The following PRRC2C variants were observed in gnomAD, a reference collection of about 807,000 sequenced individuals.
PRRC2C encodes the protein proline rich coiled-coil 2C.
In PRRC2C, 72 loss-of-function variants were observed where a neutral mutation model predicts 317.2. That is an observed-to-expected ratio of 0.23 (90% CI 0.19 to 0.28). PRRC2C has a LOEUF of 0.28. Among genes scored for constraint, PRRC2C ranks in the 10% least tolerant of loss-of-function variants. The probability of loss-of-function intolerance (pLI) is 1.00; values close to 1 mark genes in which losing one functional copy is unlikely to be tolerated. For missense variants in PRRC2C, 3,074 were observed against 3,459.7 expected (o/e 0.89, Z 2.80); for synonymous variants, 1,296 against 1,205.9 (o/e 1.07, Z -1.55).
rs1376170326 is a variant in PRRC2C, at chr1:171,592,389, A to C, written c.*542A>C. On this transcript the variant is annotated 3_prime_UTR_variant, in exon 35 of 35. Coordinates refer to ENST00000647382, the MANE Select transcript of PRRC2C (RefSeq NM_001387844.1). ...TATGGCAGCTTGCTATTTTTATAAC[A>C]TGGTGATTGAGTTGAACACAATCAA... 6.6e-6 allele frequency: 1 copy of C among 152,628 alleles called. No homozygotes were observed. 9.5% of individuals were successfully genotyped at this position (152,628 alleles called of 1,614,324 possible). A position where few individuals can be genotyped will look rare whatever the true frequency, so the allele number is the denominator to read the frequency against.
At chr1:171,502,588 G>A (rs1669330374) in intron 1 of PRRC2C, among the ~76,000 whole-genome samples, 3 of 152,056 alleles carry the variant, frequency 2.0e-5, no homozygotes, top group South Asian at 2.1e-4. Flanking sequence ...GAAGGCAGGG[G>A]CATCATCTGT....
In PRRC2C at chr1:171,571,401, A is replaced by G. The variant is rs1008412811; in HGVS notation, c.6733A>G (p.Thr2245Ala). The change falls in exon 24 of 35, where the codon ACT becomes GCT. Residue 2245 changes from threonine to alanine, a missense_variant. Physicochemically the swap from Thr to Ala is moderately conservative, Grantham distance 58. Around this residue, in one of 11 missense-constraint regions of PRRC2C, gnomAD observed 640 missense variants for 676.1 expected, o/e 0.95. Coordinates refer to ENST00000647382, the MANE Select transcript of PRRC2C (RefSeq NM_001387844.1). Reference sequence around the variant, plus strand: ...CAGCCTAACTTCAGTTCCTCCCACTACTTTCAGCCTCACCTTCAAGGTATG... The same window carrying G: ...CAGCCTAACTTCAGTTCCTCCCACTGCTTTCAGCCTCACCTTCAAGGTATG... ...SSSLTSVPPT[T>A]FSLTFKMESA... 3 of 1,604,790 alleles carry G rather than the reference A, an allele frequency of 1.9e-6. No homozygotes were observed. Among genetic ancestry groups the G allele is most frequent in the East Asian group, 4.5e-5 (2 of 44,826 alleles).
At chr1:171,587,266 AGT>A in intron 31 of PRRC2C, 45 bp downstream of exon 31, 1 of 1,506,936 alleles carries the variant, frequency 6.6e-7, no homozygotes, top group Non-Finnish European at 9.0e-7. Flanking sequence ...AATTTAAGGT[AGT>A]GTGTTCAGAT....
In PRRC2C at chr1:171,558,119, G is replaced by C. The variant is rs545772149; in HGVS notation, c.6007G>C (p.Val2003Leu). 1.2e-6 allele frequency: 2 copies of C among 1,612,758 alleles called. No individual in the cohort carries two copies. Among genetic ancestry groups the C allele is most frequent in the Non-Finnish European group, 1.7e-6 (2 of 1,179,012 alleles). ...GGATAACAAGGTGGCCCCACCAGCT[G>C]TGCTGAATGATATCTCTAAGAAATG... ...LWDNKVAPPA[V>L]LNDISKKLGP... Residue 2003 changes from valine (V) to leucine (L), a missense_variant, in exon 19 of 35, where the codon GTG becomes CTG. Coordinates refer to ENST00000647382, the MANE Select transcript of PRRC2C (RefSeq NM_001387844.1).
intron 30 of PRRC2C, 87 bp from the exon 31 acceptor site, chr1:171,586,916 G>T: frequency 1.9e-6 from 2 of 1,031,616 alleles, no homozygotes; most frequent in South Asian, 1.6e-5. Flanking sequence ...TTACTCAAAA[G>T]TATTTGAAGA....
intron 1 of PRRC2C, among the ~76,000 whole-genome samples, chr1:171,491,787 G>A (rs1204781236): frequency 6.6e-6 from 1 of 152,114 alleles, no homozygotes; most frequent in African/African-American, 2.4e-5. Context: ...TCAAAGAAGA[G>A]TGATAAGAGT....
chr1:171,535,254 A>G (rs565384765), intron 12 of PRRC2C, among the ~76,000 whole-genome samples, 174 bp from the exon 13 acceptor site: 1 of 152,322 alleles, frequency 6.6e-6, no homozygotes, highest in South Asian at 2.1e-4. Flanking sequence ...GGTTTTGATA[A>G]TCTAATGTTA....
Position 171,540,784 on chromosome 1 carries a change from G to C in PRRC2C, c.3318G>C (p.Glu1106Asp). The C allele has an allele frequency of 6.2e-7, 1 of 1,613,820 alleles. No individual in the cohort carries two copies. The highest frequency in any genetic ancestry group is 1.1e-5 in the South Asian group (1 of 91,078). ...CTCAAAAACCATCTCAGGATACTGA[G>C]AAGCCTCTGGAACCTGTGAGTACTG... ...TLAQKPSQDT[E>D]KPLEPVSTVQ... Residue 1106 changes from glutamate to aspartate, a missense_variant, in exon 16 of 35, where the codon GAG becomes GAC. This residue lies in a region of PRRC2C where 1,320 missense variants were observed against 1,395.7 expected (regional missense o/e 0.95). Coordinates refer to ENST00000647382, the MANE Select transcript of PRRC2C (RefSeq NM_001387844.1).
chr1:171,532,245 T>C, intron 11 of PRRC2C, 98 bp from the exon 12 acceptor site: 1 of 1,264,524 alleles, frequency 7.9e-7, no homozygotes, highest in Non-Finnish European at 1.1e-6. Context: ...CAGAGAAATT[T>C]CTGATATTTT....
chr1:171,549,928 C>T (rs4916233), intron 17 of PRRC2C, among the ~76,000 whole-genome samples, 158 bp from the exon 18 acceptor site: 5,424 of 151,136 alleles, frequency 0.036, 138 homozygotes, highest in Non-Finnish European at 0.06. Flanking sequence ...AATGAATGGC[C>T]ATGCAATAGG....
Position 171,571,483 on chromosome 1 carries a change from C to T in PRRC2C, c.6753+62C>T. 5 of 1,222,420 alleles carry T rather than the reference C, an allele frequency of 4.1e-6. 1 individual carries two copies. In the South Asian group the frequency reaches 6.3e-5, roughly 15 times the overall value. 75.7% of individuals were successfully genotyped at this position (1,222,420 alleles called of 1,614,324 possible). ...TTGCATGCAAGGGGACATAAGTTAA[C>T]AATATTCGTGGGGTATTTTTACTAG... On this transcript the variant is annotated intron_variant, in intron 24 of 34. Transcript: ENST00000647382.
chr1:171,536,581 C>T (rs1172512785), intron 14 of PRRC2C, among the ~76,000 whole-genome samples: 1 of 151,972 alleles, frequency 6.6e-6, no homozygotes, highest in Non-Finnish European at 1.5e-5. Context: ...AAAGTGTTTT[C>T]AGCGTTTGAA....
At chr1:171,502,263 G>A (rs1388736217) in intron 1 of PRRC2C, among the ~76,000 whole-genome samples, 4 of 152,194 alleles carry the variant, frequency 2.6e-5, no homozygotes, top group Non-Finnish European at 4.4e-5. Flanking sequence ...TCAACTGTGG[G>A]TACAGTTTAG....
chr1:171,573,280 T>G (rs1255531122), intron 24 of PRRC2C, among the ~76,000 whole-genome samples: 2 of 152,256 alleles, frequency 1.3e-5, no homozygotes, highest in Non-Finnish European at 2.9e-5. Context: ...ATCTTTCTGC[T>G]TAAGGAATGG....
At position 171,557,430 on chromosome 1, in the gene PRRC2C, C is replaced by T. The variant is rs1399204821; in HGVS notation, c.5318C>T (p.Pro1773Leu). 12 of 1,546,920 alleles carry T rather than the reference C, an allele frequency of 7.8e-6. No individual in the cohort carries two copies. Among genetic ancestry groups the T allele is most frequent in the Admixed American group, 2.0e-5 (1 of 50,604 alleles). Residue 1773 changes from proline (P) to leucine (L), a missense_variant, in exon 19 of 35, where the codon CCG becomes CTG. Pro to Leu is a moderately conservative substitution (Grantham distance 98, BLOSUM62 -3). Transcript: ENST00000647382. ...SVPASTSAPL[P>L]ATLTPVPAST... ...CCAGCCTCAACCTCAGCTCCACTTCCGGCAACCTTAACTCCAGTTCCAGCC... is the reference window on the plus strand; with the variant it reads ...CCAGCCTCAACCTCAGCTCCACTTCTGGCAACCTTAACTCCAGTTCCAGCC...
chr1:171,535,892 CTTA>C, intron 13 of PRRC2C, 134 bp from the exon 14 acceptor site: 2 of 1,197,678 alleles, frequency 1.7e-6, no homozygotes, highest in Non-Finnish European at 2.3e-6. Flanking sequence ...CTTGCCAACT[CTTA>C]ACTGTTAAAT....
In PRRC2C at chr1:171,541,815, A is replaced by T; in HGVS notation, c.4349A>T (p.Lys1450Ile). 1 of 1,613,952 alleles carries T rather than the reference A, an allele frequency of 6.2e-7. No individual in the cohort carries two copies. Among genetic ancestry groups the T allele is most frequent in the Non-Finnish European group, 8.5e-7 (1 of 1,179,886 alleles). ...CTAAGAGAGAGGGAGGCTGCTTCAA[A>T]ATCAAATGAGGTGGTAGCAGTGCCC... Reference protein sequence around the residue: ...RRLREREAASKSNEVVAVPTN... With the variant: ...RRLREREAASISNEVVAVPTN... The change falls in exon 16 of 35, where the codon AAA becomes ATA. Residue 1450 changes from lysine to isoleucine, a missense_variant. Lys to Ile is a moderately radical substitution (Grantham distance 102). Coordinates refer to ENST00000647382, the MANE Select transcript of PRRC2C (RefSeq NM_001387844.1). This position sits in a 1 kb window ranked among gnomAD's most constrained non-coding sequence, Gnocchi z 4.1.
intron 1 of PRRC2C, among the ~76,000 whole-genome samples, chr1:171,489,319 CTTA>C (rs1666699139): frequency 6.6e-6 from 1 of 152,138 alleles, no homozygotes; most frequent in South Asian, 2.1e-4. Flanking sequence ...AAATTTTTAG[CTTA>C]TTCAACAAAG....
chr1:171,507,393 C>T (rs930068761), intron 1 of PRRC2C, among the ~76,000 whole-genome samples: 6 of 152,106 alleles, frequency 3.9e-5, no homozygotes, highest in Admixed American at 1.3e-4. Context: ...GGTGGATCAC[C>T]TGAGATCAGG....
Sources: gnomAD v4.1 joint callset for allele counts (sites outside exome capture counted in the v4.1 genomes callset) on GRCh38, gnomAD v4.1.1 for gene constraint, gnomAD v4.1.1 regional missense constraint, Gnocchi (gnomAD v3.1) non-coding constraint, MANE v1.5 for transcripts, NCBI Gene and HGNC (gene_info 2026-07-23, HGNC 2026-07-21) for gene names.